The following HLCS variants were observed in gnomAD, a reference collection of about 807,000 sequenced individuals.
The protein encoded by HLCS is holocarboxylase synthetase.
Under a neutral mutation model 75.0 loss-of-function variants are expected in HLCS, and 53 were observed. That is an observed-to-expected ratio of 0.71 (90% CI 0.57 to 0.89). HLCS has a LOEUF of 0.89. Among genes scored for constraint, HLCS ranks in the 40% least tolerant of loss-of-function variants. The pLI is 0.00. For missense variants in HLCS, 966 were observed against 1,074.0 expected (o/e 0.90, Z 1.41); for synonymous variants, 431 against 428.6 (o/e 1.01, Z -0.07).
chr21:36,926,905 G>C (rs1034459810), intron 5 of HLCS, among the ~76,000 whole-genome samples: 3 of 152,038 alleles, frequency 2.0e-5, no homozygotes, highest in Admixed American at 6.6e-5. Flanking sequence ...ACCATGCCTG[G>C]CTAATTTTTG....
Position 36,756,774 on chromosome 21 carries a change from T to C in HLCS, c.2237-19A>G, listed in dbSNP as rs951250484. ...CCACAGCCTGGACAAAAACAAACAA[T>C]TGAGCAGCTCAGCCTGTTGATGGCA... On this transcript the variant is annotated intron_variant, in intron 9 of 10. Coordinates refer to ENST00000674895, the MANE Select transcript of HLCS (RefSeq NM_001352514.2). 4 of 1,613,918 alleles carry C rather than the reference T, an allele frequency of 2.5e-6. No individual in the cohort carries two copies. Among genetic ancestry groups the C allele is most frequent in the Admixed American group, 3.3e-5 (2 of 60,026 alleles).
At chr21:36,895,841 C>T (rs9941899) in intron 6 of HLCS, among the ~76,000 whole-genome samples, 72,888 of 152,018 alleles carry the variant, frequency 0.48, 19,443 homozygotes, top group African/African-American at 0.72. Flanking sequence ...TAACACCGCA[C>T]TGAGGGAAGG....
At chr21:36,789,688 T>C (rs904172869) in intron 6 of HLCS, among the ~76,000 whole-genome samples, 23 of 152,260 alleles carry the variant, frequency 1.5e-4, no homozygotes, top group Non-Finnish European at 2.8e-4. Context: ...TCACACATAC[T>C]AACACAACGA....
intron 1 of HLCS, among the ~76,000 whole-genome samples, chr21:36,978,371 G>A (rs1010670276): frequency 2.0e-5 from 3 of 151,844 alleles, no homozygotes; most frequent in Admixed American, 1.3e-4. Context: ...GTGGTGCAAC[G>A]TAGTCCCAGC....
At chr21:36,934,230 G>A (rs1310873943) in intron 4 of HLCS, among the ~76,000 whole-genome samples, 1 of 152,058 alleles carries the variant, frequency 6.6e-6, no homozygotes, top group African/African-American at 2.4e-5. Context: ...TAGTTGGACC[G>A]AAAACCGGAA....
rs149456341 is a variant in HLCS at position 36,940,459 on chromosome 21, G to A, written c.331-1465C>T. Among the ~76,000 whole-genome samples the A allele has an allele frequency of 1.3e-3, 197 of 152,154 alleles. 3 individuals carry two copies. In the South Asian group the frequency reaches 0.015, roughly 12 times the overall value. On this transcript the variant is annotated intron_variant, in intron 2 of 10. Coordinates refer to ENST00000674895, the MANE Select transcript of HLCS (RefSeq NM_001352514.2). ...CCCGAGTAGCTGGGACAACAGGCTC[G>A]GGCCACCACACTGGGCTTGAATTCT...
intron 6 of HLCS, among the ~76,000 whole-genome samples, chr21:36,853,074 C>T (rs2063067761): frequency 6.6e-6 from 1 of 152,150 alleles, no homozygotes; most frequent in South Asian, 2.1e-4. Flanking sequence ...ACTATCACCT[C>T]GAGATTCTCA....
intron 6 of HLCS, 61 bp from the exon 7 acceptor site, chr21:36,767,346 C>T: frequency 1.3e-6 from 2 of 1,512,142 alleles, no homozygotes; most frequent in Non-Finnish European, 1.8e-6. Flanking sequence ...GCACCAATGG[C>T]TCACACAGGA....
intron 5 of HLCS, among the ~76,000 whole-genome samples, chr21:36,916,636 T>C (rs2065946425): frequency 1.3e-5 from 2 of 151,052 alleles, no homozygotes; most frequent in Admixed American, 6.6e-5. Context: ...CCTCCCGAAG[T>C]GCTGAGATTA....
chr21:36,846,680 GA>G (rs1213740674), intron 6 of HLCS, among the ~76,000 whole-genome samples: 2 of 152,220 alleles, frequency 1.3e-5, no homozygotes, highest in Non-Finnish European at 2.9e-5. Context: ...ATACCGCACA[GA>G]AATCTAGGTT....
intron 6 of HLCS, among the ~76,000 whole-genome samples, chr21:36,782,669 A>G (rs2060568936): frequency 6.6e-6 from 1 of 152,152 alleles, no homozygotes; most frequent in African/African-American, 2.4e-5. Context: ...AACCATTTCC[A>G]TTAAAATTTC....
intron 6 of HLCS, among the ~76,000 whole-genome samples, chr21:36,867,087 C>A (rs2063584173): frequency 6.6e-6 from 1 of 152,160 alleles, no homozygotes; most frequent in Non-Finnish European, 1.5e-5. Flanking sequence ...AGTTTGTAGG[C>A]AGTTTAACAA....
chr21:36,786,420 A>G (rs978154086), intron 6 of HLCS, among the ~76,000 whole-genome samples: 3 of 152,240 alleles, frequency 2.0e-5, no homozygotes, highest in Non-Finnish European at 2.9e-5. Flanking sequence ...GTTCAGACAC[A>G]CTGGGAACGT....
intron 6 of HLCS, among the ~76,000 whole-genome samples, chr21:36,794,235 CT>C: frequency 6.6e-6 from 1 of 152,192 alleles, no homozygotes; most frequent in Non-Finnish European, 1.5e-5. Context: ...AGCTGGCATT[CT>C]AGTATGTGTG....
At chr21:36,953,426 GGAA>G (rs2146615297) in intron 2 of HLCS, among the ~76,000 whole-genome samples, 1 of 152,240 alleles carries the variant, frequency 6.6e-6, no homozygotes, top group East Asian at 1.9e-4. Context: ...AAGGAACCAA[GGAA>G]GAAGATGAGG....
At position 36,767,248 on chromosome 21, in the gene HLCS, C is replaced by G. The variant is rs757774452; in HGVS notation, c.1930G>C (p.Val644Leu). Residue 644 changes from valine (V) to leucine (L), a missense_variant, in exon 7 of 11, where the codon GTG becomes CTG. Physicochemically the swap from Val to Leu is conservative, Grantham distance 32. Transcript: ENST00000674895. ...FQTPQEMGLIVIAARQTEGKG... is the reference protein window; with the variant it reads ...FQTPQEMGLILIAARQTEGKG... Reference sequence around the variant, plus strand: ...CCCTCGGTCTGCCGGGCCGCGATCACTATTAAGCCCATTTCCTGCGGTGTC... The same window carrying G: ...CCCTCGGTCTGCCGGGCCGCGATCAGTATTAAGCCCATTTCCTGCGGTGTC... 3.7e-6 allele frequency: 6 copies of G among 1,614,100 alleles called. No individual in the cohort carries two copies. Among genetic ancestry groups the G allele is most frequent in the Non-Finnish European group, 5.1e-6 (6 of 1,180,050 alleles).
chr21:36,874,990 G>C (rs2063913350), intron 6 of HLCS, among the ~76,000 whole-genome samples: 1 of 152,192 alleles, frequency 6.6e-6, no homozygotes, highest in African/African-American at 2.4e-5. Flanking sequence ...GTGCTGTCAT[G>C]ACCCAGCCAG....
chr21:36,844,506 T>C (rs1329661280), intron 6 of HLCS, among the ~76,000 whole-genome samples: 1 of 152,194 alleles, frequency 6.6e-6, no homozygotes, highest in African/African-American at 2.4e-5. Context: ...CCTTCTAAGA[T>C]GCCCACATTT....
chr21:36,863,903 T>G (rs570319388), intron 6 of HLCS, among the ~76,000 whole-genome samples: 1 of 152,240 alleles, frequency 6.6e-6, no homozygotes, highest in East Asian at 1.9e-4. Context: ...TGTCCCCTAG[T>G]AGAATTACAA....
Sources: gnomAD v4.1 joint callset for allele counts (sites outside exome capture counted in the v4.1 genomes callset) on GRCh38, gnomAD v4.1.1 for gene constraint, MANE v1.5 for transcripts, NCBI Gene and HGNC (gene_info 2026-07-23, HGNC 2026-07-21) for gene names.